LHFPL3: variants seen among roughly 807,000 people sequenced by gnomAD.
The protein encoded by LHFPL3 is LHFPL tetraspan subfamily member 3, also known as LHFPL tetraspan subfamily member 3 protein.
LHFPL3 carries 5 observed loss-of-function variants against 19.3 expected under a neutral mutation model. The ratio of observed to expected loss-of-function variants is 0.26; its 90% CI spans 0.14 to 0.54. LHFPL3 has a LOEUF of 0.54. Among genes scored for constraint, LHFPL3 ranks in the 20% least tolerant of loss-of-function variants. The pLI is 0.94. For synonymous variants in LHFPL3, 133 were observed against 126.2 expected (o/e 1.05, Z -0.36); for missense variants, 249 against 307.4 (o/e 0.81, Z 1.42).
chr7:104,536,708 C>T (rs1794394731), intron 1 of LHFPL3, among the ~76,000 whole-genome samples: 1 of 152,160 alleles, frequency 6.6e-6, no homozygotes, highest in Non-Finnish European at 1.5e-5. Flanking sequence ...TCTTTTACAC[C>T]AGTAAGATGC....
intron 1 of LHFPL3, among the ~76,000 whole-genome samples, chr7:104,483,614 T>C (rs1793179984): frequency 6.6e-6 from 1 of 152,136 alleles, no homozygotes; most frequent in Non-Finnish European, 1.5e-5. Flanking sequence ...ATTTTATGCA[T>C]GTAGTCATTT....
At chr7:104,340,523 C>T (rs1480026761) in intron 1 of LHFPL3, among the ~76,000 whole-genome samples, 1 of 152,138 alleles carries the variant, frequency 6.6e-6, no homozygotes, top group Non-Finnish European at 1.5e-5. Flanking sequence ...ATTCCTACTA[C>T]TACTAAAGAG....
intron 1 of LHFPL3, among the ~76,000 whole-genome samples, chr7:104,483,303 A>G (rs1340844674): frequency 5.3e-5 from 8 of 152,206 alleles, no homozygotes; most frequent in Non-Finnish European, 4.4e-5. Flanking sequence ...ACAAGTGGTG[A>G]TGCTTGGATG....
intron 1 of LHFPL3, among the ~76,000 whole-genome samples, chr7:104,414,868 A>C (rs1409363435): frequency 6.6e-6 from 1 of 152,216 alleles, no homozygotes; most frequent in Non-Finnish European, 1.5e-5. Context: ...TTTAGTCACC[A>C]TTCCAAATGA....
At chr7:104,898,168 C>A (rs1267759775) in intron 2 of LHFPL3, among the ~76,000 whole-genome samples, 1 of 151,900 alleles carries the variant, frequency 6.6e-6, no homozygotes, top group Non-Finnish European at 1.5e-5. Context: ...CACCACCACA[C>A]CCCGCTAATT....
chr7:104,602,262 C>G (rs1344555713), intron 1 of LHFPL3, among the ~76,000 whole-genome samples: 1 of 152,056 alleles, frequency 6.6e-6, no homozygotes, highest in Admixed American at 6.5e-5. Flanking sequence ...CTCAAGTAAT[C>G]CTCCCACCTT....
chr7:104,846,714 G>A (rs1051677638), intron 2 of LHFPL3, among the ~76,000 whole-genome samples: 1 of 152,164 alleles, frequency 6.6e-6, no homozygotes, highest in African/African-American at 2.4e-5. Context: ...TACCAGGAGA[G>A]CCTTTTAAAA....
intron 1 of LHFPL3, among the ~76,000 whole-genome samples, chr7:104,585,362 G>T (rs568505712): frequency 1.3e-5 from 2 of 151,888 alleles, no homozygotes; most frequent in African/African-American, 4.8e-5. Flanking sequence ...GTCAAGATCC[G>T]CACAGGGCTC....
At position 104,668,875 on chromosome 7, in the gene LHFPL3, A is replaced by G. The variant is rs988389169; in HGVS notation, c.446-67800A>G. 61 of 1,612,068 alleles carry G rather than the reference A, an allele frequency of 3.8e-5. No homozygotes were observed. The African/African-American group carries it at 6.5e-4, about 17-fold the overall frequency. ...CTGCTAGAGAAAGAGAAGTAGAAGA[A>G]CGGCTACGAAGGAACAAGAGAAGTT... On this transcript the variant is annotated intron_variant, in intron 1 of 2. Transcript: ENST00000424859.
chr7:104,604,510 C>A (rs942935001), intron 1 of LHFPL3, among the ~76,000 whole-genome samples: 9 of 152,240 alleles, frequency 5.9e-5, no homozygotes, highest in Admixed American at 2.0e-4. Context: ...CTTGGCCACA[C>A]CCTTAGTTCA....
At chr7:104,827,058 C>A (rs1056990183) in intron 2 of LHFPL3, among the ~76,000 whole-genome samples, 1 of 151,854 alleles carries the variant, frequency 6.6e-6, no homozygotes, top group Non-Finnish European at 1.5e-5. Flanking sequence ...ATTTTTGCAC[C>A]ATTTACCCTA....
At chr7:104,392,234 TGGTGAGAGA>T (rs1791087536) in intron 1 of LHFPL3, among the ~76,000 whole-genome samples, 4 of 151,446 alleles carry the variant, frequency 2.6e-5, no homozygotes, top group Admixed American at 2.6e-4. Context: ...TGAATAGGAG[TGGTGAGAGA>T]GGGCATCCCT....
At chr7:104,468,550 A>ATG (rs781119018) in intron 1 of LHFPL3, among the ~76,000 whole-genome samples, 1 of 152,004 alleles carries the variant, frequency 6.6e-6, no homozygotes, top group East Asian at 1.9e-4. Context: ...GGGAGCAGAG[A>ATG]TGTGCAGATC....
intron 1 of LHFPL3, among the ~76,000 whole-genome samples, chr7:104,367,568 C>A (rs999198576): frequency 6.6e-6 from 1 of 152,110 alleles, no homozygotes; most frequent in African/African-American, 2.4e-5. Context: ...GCAGATGGAA[C>A]AGGGAGAAAA....
chr7:104,642,282 C>A (rs1209946587), intron 1 of LHFPL3, among the ~76,000 whole-genome samples: 1 of 152,024 alleles, frequency 6.6e-6, no homozygotes, highest in East Asian at 1.9e-4. Context: ...AAGTGATCCG[C>A]CCACCTCAGC....
intron 1 of LHFPL3, among the ~76,000 whole-genome samples, chr7:104,574,086 G>A (rs1790279419): frequency 1.3e-5 from 2 of 152,138 alleles, no homozygotes; most frequent in South Asian, 2.1e-4. Context: ...TCAAGAATTA[G>A]GTAATTATGA....
chr7:104,881,843 A>G (rs899378199), intron 2 of LHFPL3, among the ~76,000 whole-genome samples: 5 of 152,190 alleles, frequency 3.3e-5, no homozygotes, highest in African/African-American at 1.2e-4. Flanking sequence ...CTCAGCCTTC[A>G]GCAGCCACCA....
At chr7:104,821,644 C>T (rs1584553942) in intron 2 of LHFPL3, among the ~76,000 whole-genome samples, 1 of 152,130 alleles carries the variant, frequency 6.6e-6, no homozygotes, top group South Asian at 2.1e-4. Context: ...GCTAGGACAC[C>T]AAATTTGGAA....
At chr7:104,467,833 C>T (rs1792823015) in intron 1 of LHFPL3, among the ~76,000 whole-genome samples, 1 of 152,220 alleles carries the variant, frequency 6.6e-6, no homozygotes. Context: ...TCCTCTCCTT[C>T]ATCCTGCTCC....
Sources: allele counts gnomAD v4.1 joint callset (sites outside exome capture counted in the v4.1 genomes callset), GRCh38; gene constraint gnomAD v4.1.1; transcripts MANE v1.5; gene names NCBI Gene and HGNC (gene_info 2026-07-23, HGNC 2026-07-21).